The following MYO5B variants were observed in gnomAD, a reference collection of about 807,000 sequenced individuals.
The protein encoded by MYO5B is myosin VB, also known as unconventional myosin-Vb.
Under a neutral mutation model 229.3 loss-of-function variants are expected in MYO5B, and 143 were observed. The observed-to-expected ratio is 0.62, with a 90% CI of 0.54 to 0.72. MYO5B has a LOEUF of 0.72. Among genes scored for constraint, MYO5B ranks in the 30% least tolerant of loss-of-function variants. The probability of loss-of-function intolerance (pLI) is 0.00; values close to 1 mark genes in which losing one functional copy is unlikely to be tolerated. For missense variants in MYO5B, 2,321 were observed against 2,331.0 expected (o/e 1.00, Z 0.09); for synonymous variants, 918 against 885.2 (o/e 1.04, Z -0.66).
chr18:50,117,794 C>G (rs1423359166), intron 1 of MYO5B, among the ~76,000 whole-genome samples: 1 of 152,068 alleles, frequency 6.6e-6, no homozygotes, highest in Admixed American at 6.5e-5. Flanking sequence ...TCTCTCAGAC[C>G]CCTCAGGCCT....
In MYO5B at chr18:49,953,335, G is replaced by A. The variant is rs2025449817; in HGVS notation, c.1677C>T (p.Tyr559=). 5.0e-6 allele frequency: 8 copies of A among 1,614,080 alleles called. No individual in the cohort carries two copies. The East Asian group carries it at 1.8e-4, about 36-fold the overall frequency. Residue 559 remains tyrosine (Y), a synonymous_variant, in exon 14 of 40, where the codon TAC becomes TAT. Transcript: ENST00000285039. ...IIVHFADKVE[Y]LSDGFLEKNR... is the part of the protein sequence containing the mutation. ...TTTTCTCCAGAAAACCATCAGAGAG[G>A]TACTCCACCTGGGGCCACAGCAACC...
At chr18:49,966,125 A>T (rs1467631054) in intron 10 of MYO5B, among the ~76,000 whole-genome samples, 1 of 152,112 alleles carries the variant, frequency 6.6e-6, no homozygotes, top group East Asian at 1.9e-4. Flanking sequence ...CCACAGATAG[A>T]GGCATCAGAT....
intron 4 of MYO5B, among the ~76,000 whole-genome samples, chr18:50,008,865 A>G (rs2026131668): frequency 6.6e-6 from 1 of 152,210 alleles, no homozygotes; most frequent in Admixed American, 6.5e-5. Flanking sequence ...CTGTGTCTAC[A>G]TGCTCTAATC....
At chr18:49,942,690 G>T (rs893522083) in intron 14 of MYO5B, among the ~76,000 whole-genome samples, 1 of 151,494 alleles carries the variant, frequency 6.6e-6, no homozygotes, top group Non-Finnish European at 1.5e-5. Context: ...AGTTAGAATG[G>T]CGATCATTAA....
chr18:50,022,103 A>AT (rs1426394298), intron 4 of MYO5B, among the ~76,000 whole-genome samples: 4 of 112,684 alleles, frequency 3.5e-5, no homozygotes, highest in South Asian at 6.6e-4. Flanking sequence ...CCTCCCCACC[A>AT]TTTTTTTCTC....
chr18:49,950,636 T>G (rs907361737), intron 14 of MYO5B, among the ~76,000 whole-genome samples: 2 of 152,178 alleles, frequency 1.3e-5, no homozygotes, highest in African/African-American at 2.4e-5. Flanking sequence ...AATGTACTTA[T>G]TTTAATCTTA....
At chr18:50,139,387 A>G (rs898679110) in intron 1 of MYO5B, among the ~76,000 whole-genome samples, 3 of 152,246 alleles carry the variant, frequency 2.0e-5, no homozygotes, top group Admixed American at 1.3e-4. Context: ...AACATGGCAC[A>G]TGAACGAACA....
At chr18:50,075,370 C>A (rs779165151) in intron 1 of MYO5B, among the ~76,000 whole-genome samples, 2 of 152,210 alleles carry the variant, frequency 1.3e-5, no homozygotes, top group South Asian at 2.1e-4. Context: ...TACATATACA[C>A]AGGAGTATAC....
At chr18:49,873,033 G>T (rs1457486061) in intron 26 of MYO5B, among the ~76,000 whole-genome samples, 1 of 152,220 alleles carries the variant, frequency 6.6e-6, no homozygotes, top group Non-Finnish European at 1.5e-5. Context: ...GCACCTTGCA[G>T]AGAGCTGCTT....
intron 33 of MYO5B, among the ~76,000 whole-genome samples, chr18:49,844,261 G>A (rs2282627): frequency 0.079 from 12,091 of 152,308 alleles, 961 homozygotes; most frequent in East Asian, 0.29. Flanking sequence ...ACAGGTGGTG[G>A]TAGAAGGCCA....
intron 12 of MYO5B, among the ~76,000 whole-genome samples, chr18:49,958,551 G>A (rs754933128): frequency 2.6e-5 from 4 of 152,084 alleles, no homozygotes; most frequent in Non-Finnish European, 5.9e-5. Flanking sequence ...CCTTCTCATG[G>A]AACAAAGGTC....
At chr18:49,866,016 G>T (rs1031548143) in intron 27 of MYO5B, among the ~76,000 whole-genome samples, 13 of 152,120 alleles carry the variant, frequency 8.5e-5, no homozygotes, top group African/African-American at 3.1e-4. Context: ...AGTGCCAAAA[G>T]AATATGCATG....
rs78236122 is a variant in MYO5B at position 49,935,198 on chromosome 18, G to C, written c.2003+1054C>G. 3.7e-4 allele frequency among the ~76,000 whole-genome samples: 56 copies of C among 152,326 alleles called. 1 individual carries two copies. In the East Asian group the frequency reaches 7.9e-3, roughly 22 times the overall value. On this transcript the variant is annotated intron_variant, in intron 16 of 39. Coordinates refer to ENST00000285039, the MANE Select transcript of MYO5B (RefSeq NM_001080467.3). The stretch of plus-strand genomic sequence containing the variant: ...GACTTTGACGTCAGTTAGACACTGG[G>C]AAGTGAAGGAGACGGAAGAATCAAG...
chr18:49,911,175 C>T (rs2024953439), intron 18 of MYO5B, among the ~76,000 whole-genome samples: 1 of 152,196 alleles, frequency 6.6e-6, no homozygotes, highest in South Asian at 2.1e-4. Flanking sequence ...CACATCAGAG[C>T]CCTTACCCAG....
intron 1 of MYO5B, among the ~76,000 whole-genome samples, chr18:50,107,347 C>T (rs867057498): frequency 1.3e-5 from 2 of 151,566 alleles, no homozygotes. Context: ...GATCTCCTGA[C>T]CTTGTGATAT....
In MYO5B at chr18:49,962,316, G is replaced by A; in HGVS notation, c.1495C>T (p.Leu499Phe). The stretch of plus-strand genomic sequence containing the variant: ...AAGATACCCAGCTTGGCTTCAATGA[G>A]GTCGATACAAGGTTGGTTATCATAA... Reference protein sequence around the residue: ...DFYDNQPCIDLIEAKLGILDL... With the variant: ...DFYDNQPCIDFIEAKLGILDL... The change falls in exon 12 of 40, where the codon CTC becomes TTC. Residue 499 changes from leucine to phenylalanine, a missense_variant. Around this residue, in one of 2 missense-constraint regions of MYO5B, gnomAD observed 2,113 missense variants for 2,044.7 expected, o/e 1.03. Transcript: ENST00000285039. The A allele has an allele frequency of 6.2e-7, 1 of 1,614,164 alleles. No individual in the cohort carries two copies. The highest frequency in any genetic ancestry group is 8.5e-7 in the Non-Finnish European group (1 of 1,180,024).
chr18:50,064,631 T>C (rs760062818), intron 1 of MYO5B, among the ~76,000 whole-genome samples: 5 of 152,232 alleles, frequency 3.3e-5, no homozygotes, highest in Admixed American at 2.0e-4. Context: ...TATCACAGGA[T>C]AGTTGTTTTC....
intron 14 of MYO5B, among the ~76,000 whole-genome samples, chr18:49,943,328 G>A (rs1253132864): frequency 6.6e-6 from 1 of 151,678 alleles, no homozygotes; most frequent in Non-Finnish European, 1.5e-5. Flanking sequence ...TAACAAACCT[G>A]CACGTTGTAC....
chr18:50,020,157 C>A (rs1303554846), intron 4 of MYO5B, among the ~76,000 whole-genome samples: 1 of 152,218 alleles, frequency 6.6e-6, no homozygotes, highest in East Asian at 1.9e-4. Flanking sequence ...GACTATGCAT[C>A]AGCTCACAGC....
Sources: gnomAD v4.1 joint callset for allele counts (sites outside exome capture counted in the v4.1 genomes callset) on GRCh38, gnomAD v4.1.1 for gene constraint, gnomAD v4.1.1 regional missense constraint, MANE v1.5 for transcripts, NCBI Gene and HGNC (gene_info 2026-07-23, HGNC 2026-07-21) for gene names.